The following CFAP54 variants were observed in gnomAD, a reference collection of about 807,000 sequenced individuals.
CFAP54 encodes the protein cilia and flagella associated protein 54.
CFAP54 carries 290 observed loss-of-function variants against 370.4 expected under a neutral mutation model. That is an observed-to-expected ratio of 0.78 (90% CI 0.71 to 0.86). The LOEUF (loss-of-function observed/expected upper bound fraction) is 0.86, where lower values mean the gene tolerates loss of function less well. CFAP54 is among the 40% of genes least tolerant of loss of function. The pLI is 0.00. For missense variants in CFAP54, 3,399 were observed against 3,528.7 expected, an observed-to-expected ratio of 0.96 and a Z score of 0.93; for synonymous variants, 1,206 against 1,236.5, an observed-to-expected ratio of 0.98 and a Z score of 0.52.
Position 96,603,908 on chromosome 12 carries a change from C to T in CFAP54, c.3639+5141C>T, listed in dbSNP as rs142465603. 2.0e-5 allele frequency among the ~76,000 whole-genome samples: 3 copies of T among 152,202 alleles called. No homozygotes were observed. In the East Asian group the frequency reaches 5.8e-4, roughly 29 times the overall value. ...CCTTGCGGTGGGTTAGAACGTGTTC[C>T]TTTAGCTTGGAGAAGTTTGTTATTA... On this transcript the variant is annotated intron_variant, in intron 26 of 67. Transcript: ENST00000524981.
chr12:96,831,636 G>C (rs181763255), intron 66 of CFAP54, among the ~76,000 whole-genome samples: 1 of 152,182 alleles, frequency 6.6e-6, no homozygotes, highest in Admixed American at 6.5e-5. Flanking sequence ...CTTCTCTGAG[G>C]AAGTGACATT....
chr12:96,555,891 T>G (rs1362005215), intron 17 of CFAP54, among the ~76,000 whole-genome samples: 5 of 151,920 alleles, frequency 3.3e-5, no homozygotes, highest in Non-Finnish European at 5.9e-5. Context: ...TGGGTAGACC[T>G]TTACAATCTT....
chr12:96,798,906 G>A (rs1038020413), intron 63 of CFAP54, among the ~76,000 whole-genome samples: 10 of 152,126 alleles, frequency 6.6e-5, no homozygotes, highest in African/African-American at 2.4e-4. Context: ...AGAAAAGAGA[G>A]TAAACTGTGC....
chr12:96,871,309 G>T (rs373007933), intron 67 of CFAP54, among the ~76,000 whole-genome samples: 4 of 152,130 alleles, frequency 2.6e-5, no homozygotes, highest in African/African-American at 7.2e-5. Context: ...AATTATTTGT[G>T]CTTTTCATTA....
chr12:96,741,568 C>A (rs1958052091), intron 51 of CFAP54, among the ~76,000 whole-genome samples: 1 of 152,146 alleles, frequency 6.6e-6, no homozygotes, highest in Non-Finnish European at 1.5e-5. Flanking sequence ...TCCTGGCTAG[C>A]ACATGTTGCT....
intron 58 of CFAP54, among the ~76,000 whole-genome samples, chr12:96,760,482 GTCTC>G (rs1203907216): frequency 3.3e-5 from 5 of 152,124 alleles, no homozygotes; most frequent in African/African-American, 1.2e-4. Context: ...ACTGTTTTCT[GTCTC>G]TATAGATTTG....
At chr12:96,685,512 T>C (rs1376112508) in intron 42 of CFAP54, among the ~76,000 whole-genome samples, 3 of 152,000 alleles carry the variant, frequency 2.0e-5, no homozygotes, top group Non-Finnish European at 2.9e-5. Context: ...GTGCCAGATA[T>C]GCAGCTGGCA....
intron 67 of CFAP54, among the ~76,000 whole-genome samples, chr12:96,863,361 C>T (rs1959926056): frequency 6.6e-6 from 1 of 152,208 alleles, no homozygotes; most frequent in Non-Finnish European, 1.5e-5. Flanking sequence ...TTTCTCCCTC[C>T]TGTCTTCACA....
chr12:96,813,132 A>G (rs141182257), intron 64 of CFAP54, among the ~76,000 whole-genome samples: 2,472 of 152,332 alleles, frequency 0.016, 62 homozygotes, highest in Non-Finnish European at 0.02. Flanking sequence ...TATAATTTCT[A>G]TAAAGTAGAA....
chr12:96,776,958 T>C (rs1958523204), intron 60 of CFAP54, among the ~76,000 whole-genome samples: 1 of 152,216 alleles, frequency 6.6e-6, no homozygotes, highest in Non-Finnish European at 1.5e-5. Context: ...GTGGTAGATA[T>C]AAGTTTTCCA....
At chr12:96,701,770 T>TGAG (rs113973500) in intron 46 of CFAP54, among the ~76,000 whole-genome samples, 2,710 of 151,114 alleles carry the variant, frequency 0.018, 95 homozygotes, top group African/African-American at 0.062. Context: ...GAGGCTGCAA[T>TGAG]GAGGAGGAGG....
At chr12:96,745,903 A>G (rs1393423030) in intron 55 of CFAP54, among the ~76,000 whole-genome samples, 1 of 152,184 alleles carries the variant, frequency 6.6e-6, no homozygotes, top group African/African-American at 2.4e-5. Context: ...TGCCTTAACT[A>G]GTGGACTGGC....
intron 60 of CFAP54, 181 bp downstream of exon 60, chr12:96,765,399 G>A (rs1184003287): frequency 4.9e-6 from 2 of 410,826 alleles, no homozygotes; most frequent in Non-Finnish European, 8.8e-6. Flanking sequence ...CACTGCACAT[G>A]TGTACCTGTT....
intron 17 of CFAP54, among the ~76,000 whole-genome samples, chr12:96,562,387 A>T (rs1257319856): frequency 6.6e-6 from 1 of 150,412 alleles, no homozygotes; most frequent in Non-Finnish European, 1.5e-5. Context: ...TTTTTTTTTC[A>T]ATTTGATACA....
chr12:96,754,989 C>T (rs1958236677), intron 56 of CFAP54, among the ~76,000 whole-genome samples: 1 of 152,108 alleles, frequency 6.6e-6, no homozygotes. Context: ...AGCTATCCAC[C>T]CGCCTTGGCC....
intron 63 of CFAP54, among the ~76,000 whole-genome samples, chr12:96,810,672 T>G (rs953683620): frequency 6.6e-6 from 1 of 152,118 alleles, no homozygotes; most frequent in Non-Finnish European, 1.5e-5. Flanking sequence ...GAACAGACAA[T>G]AGCTTGTGGG....
At chr12:96,687,942 C>G (rs1957345491) in intron 42 of CFAP54, among the ~76,000 whole-genome samples, 1 of 152,170 alleles carries the variant, frequency 6.6e-6, no homozygotes, top group Non-Finnish European at 1.5e-5. Flanking sequence ...CCTGGTTTCC[C>G]AGCCAGAAGT....
At chr12:96,531,430 T>C (rs1369578641) in intron 9 of CFAP54, among the ~76,000 whole-genome samples, 2 of 152,126 alleles carry the variant, frequency 1.3e-5, no homozygotes, top group African/African-American at 4.8e-5. Context: ...TTTGAGGTCA[T>C]ATCTTTCTTT....
chr12:96,676,534 T>C (rs1383522932), intron 39 of CFAP54, among the ~76,000 whole-genome samples: 2 of 151,980 alleles, frequency 1.3e-5, no homozygotes, highest in African/African-American at 2.4e-5. Context: ...ATGGCATTGG[T>C]GTCTTTACTT....
Sources: gnomAD v4.1 joint callset for allele counts (sites outside exome capture counted in the v4.1 genomes callset) on GRCh38, gnomAD v4.1.1 for gene constraint, MANE v1.5 for transcripts, NCBI Gene and HGNC (gene_info 2026-07-23, HGNC 2026-07-21) for gene names.